SOX5: variants seen among roughly 807,000 people sequenced by gnomAD.
SOX5 encodes SRY-box transcription factor 5.
In SOX5, 9 loss-of-function variants were observed where a neutral mutation model predicts 92.0. That is an observed-to-expected ratio of 0.10 (90% CI 0.06 to 0.17). The LOEUF is 0.17. SOX5 is among the 10% of genes least tolerant of loss of function. SOX5 has a pLI of 1.00. For synonymous variants in SOX5, 344 were observed against 336.3 expected (o/e 1.02, Z -0.25); for missense variants, 642 against 944.5 (o/e 0.68, Z 4.20).
intron 13 of SOX5, among the ~76,000 whole-genome samples, chr12:23,538,778 C>T (rs1941200056): frequency 6.8e-6 from 1 of 147,404 alleles, no homozygotes; most frequent in Non-Finnish European, 1.5e-5. Context: ...TCCCAAAATT[C>T]GAAAACGAAA....
At chr12:23,823,703 A>C (rs879347725) in intron 3 of SOX5, among the ~76,000 whole-genome samples, 1 of 152,132 alleles carries the variant, frequency 6.6e-6, no homozygotes, top group Non-Finnish European at 1.5e-5. Context: ...AATATCCTGA[A>C]ATGTGTTTTT....
intron 1 of SOX5, among the ~76,000 whole-genome samples, chr12:24,409,638 A>C (rs1429722673): frequency 1.3e-5 from 2 of 152,226 alleles, no homozygotes; most frequent in Admixed American, 1.3e-4. Context: ...GTTTTGCAGA[A>C]TTTTACATCC....
chr12:24,112,330 GTATAGC>G (rs1947453314), intron 4 of SOX5, among the ~76,000 whole-genome samples: 1 of 152,070 alleles, frequency 6.6e-6, no homozygotes, highest in African/African-American at 2.4e-5. Context: ...TATGTACTAT[GTATAGC>G]TACATTCATG....
intron 3 of SOX5, among the ~76,000 whole-genome samples, chr12:23,817,493 T>C (rs1293753725): frequency 1.3e-5 from 2 of 152,184 alleles, no homozygotes; most frequent in Non-Finnish European, 2.9e-5. Context: ...ATGAATAGTT[T>C]GAAAATATCC....
At chr12:24,536,895 T>C (rs1181167136) in intron 1 of SOX5, among the ~76,000 whole-genome samples, 1 of 152,214 alleles carries the variant, frequency 6.6e-6, no homozygotes, top group Non-Finnish European at 1.5e-5. Flanking sequence ...AATATGCATG[T>C]CATCTTCTCG....
At chr12:24,376,912 T>C (rs1957344901) in intron 1 of SOX5, among the ~76,000 whole-genome samples, 2 of 149,546 alleles carry the variant, frequency 1.3e-5, no homozygotes, top group East Asian at 2.0e-4. Context: ...GGTTTTACCA[T>C]GTTGCCCAGG....
At chr12:24,045,479 T>G (rs936576604) in intron 4 of SOX5, among the ~76,000 whole-genome samples, 1 of 152,052 alleles carries the variant, frequency 6.6e-6, no homozygotes, top group Non-Finnish European at 1.5e-5. Context: ...TAAATTTTTT[T>G]GTAGAGGTGG....
intron 8 of SOX5, among the ~76,000 whole-genome samples, chr12:23,605,514 A>C (rs550726951): frequency 6.6e-6 from 1 of 150,816 alleles, no homozygotes; most frequent in African/African-American, 2.4e-5. Context: ...CACACATCCC[A>C]GTTTCTTATT....
At chr12:24,394,416 C>T (rs1360898269) in intron 1 of SOX5, among the ~76,000 whole-genome samples, 1 of 152,136 alleles carries the variant, frequency 6.6e-6, no homozygotes, top group Non-Finnish European at 1.5e-5. Context: ...AGCCCGGCCG[C>T]CACTGATGTT....
intron 9 of SOX5, among the ~76,000 whole-genome samples, chr12:23,585,559 G>A (rs538837301): frequency 6.6e-6 from 1 of 152,208 alleles, no homozygotes; most frequent in South Asian, 2.1e-4. Context: ...CTCACTTCTC[G>A]TACTCCACTT....
At chr12:23,627,161 T>G (rs1237917384) in intron 8 of SOX5, among the ~76,000 whole-genome samples, 1 of 152,180 alleles carries the variant, frequency 6.6e-6, no homozygotes, top group Non-Finnish European at 1.5e-5. Flanking sequence ...GTTTGTTCCT[T>G]TCACAAATAA....
chr12:23,909,204 A>C (rs1338010768), intron 1 of SOX5, among the ~76,000 whole-genome samples: 2 of 152,212 alleles, frequency 1.3e-5, no homozygotes, highest in Admixed American at 6.5e-5. Context: ...CCATTTGTTC[A>C]TACTTTAAAA....
At position 24,143,789 on chromosome 12, in the gene SOX5, T is replaced by C. The variant is rs1186447481; in HGVS notation, c.-2+69554A>G. On this transcript the variant is annotated intron_variant, in intron 4 of 4. Coordinates refer to the SOX5 transcript ENST00000446891. The stretch of plus-strand genomic sequence containing the variant: ...ACATGTGTGCAGACAGAACGACAGG[T>C]AATAAGAGAATGGATGGAGAAGAAA... 2.7e-5 allele frequency among the ~76,000 whole-genome samples: 4 copies of C among 146,810 alleles called. No individual in the cohort carries two copies. The Admixed American group carries it at 2.8e-4, about 10-fold the overall frequency.
chr12:23,741,623 G>C (rs1054370419), intron 4 of SOX5, among the ~76,000 whole-genome samples: 2 of 152,122 alleles, frequency 1.3e-5, no homozygotes. Flanking sequence ...TGTTAAAAGA[G>C]AGCAAACATC....
intron 4 of SOX5, among the ~76,000 whole-genome samples, chr12:24,025,915 C>T (rs552101455): frequency 1.3e-5 from 2 of 152,192 alleles, no homozygotes. Context: ...ACTCTGTAAG[C>T]TTCACAATTA....
chr12:24,294,920 AC>A (rs1311898626), intron 2 of SOX5, among the ~76,000 whole-genome samples: 1 of 152,182 alleles, frequency 6.6e-6, no homozygotes, highest in Non-Finnish European at 1.5e-5. Flanking sequence ...GTTTGAGAAA[AC>A]ACACCAGGTC....
chr12:23,679,100 A>T (rs949324060), intron 6 of SOX5, among the ~76,000 whole-genome samples: 2 of 152,200 alleles, frequency 1.3e-5, no homozygotes, highest in East Asian at 3.8e-4. Flanking sequence ...TCCTGGATGC[A>T]TAATAACCAA....
At chr12:23,632,170 AT>A (rs1421491941) in intron 8 of SOX5, 2 of 152,126 alleles carry the variant, frequency 1.3e-5, no homozygotes, top group African/African-American at 4.8e-5. Context: ...TGTATTAATC[AT>A]ATGTGTGCTT....
intron 1 of SOX5, among the ~76,000 whole-genome samples, chr12:24,540,502 A>G (rs1952026021): frequency 6.6e-6 from 1 of 152,100 alleles, no homozygotes; most frequent in Non-Finnish European, 1.5e-5. Flanking sequence ...AATATCCTCA[A>G]TGGTGACAAA....
Sources: gnomAD v4.1 joint callset for allele counts (sites outside exome capture counted in the v4.1 genomes callset) on GRCh38, gnomAD v4.1.1 for gene constraint, MANE v1.5 for transcripts, NCBI Gene and HGNC (gene_info 2026-07-23, HGNC 2026-07-21) for gene names.